Variants in RHAG observed in about 807,000 individuals in gnomAD.
The protein encoded by RHAG is ammonium transporter Rh type A.
A neutral mutation model predicts 42.4 loss-of-function variants in RHAG; 25 were observed. That is an observed-to-expected ratio of 0.59 (90% CI 0.43 to 0.82). The LOEUF (loss-of-function observed/expected upper bound fraction) is 0.82, where lower values mean the gene tolerates loss of function less well. RHAG is among the 40% of genes least tolerant of loss of function. RHAG has a pLI of 0.00. For missense variants in RHAG, 483 were observed against 504.6 expected (o/e 0.96, Z 0.41); for synonymous variants, 182 against 177.7 (o/e 1.02, Z -0.19).
rs941568998 is a variant in RHAG at position 49,613,132 on chromosome 6, C to T, written c.808-598G>A. Among the ~76,000 whole-genome samples the T allele has an allele frequency of 8.0e-5, 12 of 150,430 alleles. No individual in the cohort carries two copies. In the East Asian group the frequency reaches 1.4e-3, roughly 17 times the overall value. On this transcript the variant is annotated intron_variant, in intron 5 of 9. Coordinates refer to ENST00000371175, the MANE Select transcript of RHAG (RefSeq NM_000324.3). ...TCTCCCAGGCTGGAGTGCAGCAGCG[C>T]GATCTTGGCTCACTGCAACCTCCAC... is the stretch of plus-strand genomic sequence containing the variant.
intron 3 of RHAG, among the ~76,000 whole-genome samples, chr6:49,617,490 TC>T (rs34200811): frequency 0.2 from 31,168 of 152,138 alleles, 3,974 homozygotes; most frequent in Non-Finnish European, 0.28. Context: ...TGTCATTGAG[TC>T]CCCAACATCT....
intron 7 of RHAG, among the ~76,000 whole-genome samples, chr6:49,608,364 A>G (rs944788560): frequency 3.9e-5 from 6 of 152,186 alleles, no homozygotes; most frequent in Admixed American, 3.3e-4. Context: ...AGAAATGAGA[A>G]TATTAGTAAA....
chr6:49,612,651 G>A (rs560857970), intron 5 of RHAG, 117 bp from the exon 6 acceptor site: 2 of 1,212,058 alleles, frequency 1.7e-6, no homozygotes. Flanking sequence ...AAGGGCTATT[G>A]GTTCTTTTTT....
At chr6:49,622,414 G>A (rs1397906083) in intron 1 of RHAG, among the ~76,000 whole-genome samples, 2 of 152,198 alleles carry the variant, frequency 1.3e-5, no homozygotes, top group Admixed American at 1.3e-4. Context: ...GTTTCACCAT[G>A]TTGGTCAGGC....
intron 1 of RHAG, among the ~76,000 whole-genome samples, chr6:49,634,801 C>A (rs766863038): frequency 6.6e-6 from 1 of 151,740 alleles, no homozygotes; most frequent in Non-Finnish European, 1.5e-5. Context: ...TATTTTTAAA[C>A]AGATTTATTG....
intron 1 of RHAG, among the ~76,000 whole-genome samples, chr6:49,626,423 A>G (rs1294947751): frequency 3.3e-5 from 5 of 152,032 alleles, no homozygotes; most frequent in East Asian, 1.9e-4. Flanking sequence ...TCCAAAATGA[A>G]CTCCTTTGCT....
intron 1 of RHAG, among the ~76,000 whole-genome samples, chr6:49,630,045 G>T (rs1364805256): frequency 6.6e-6 from 1 of 152,244 alleles, no homozygotes; most frequent in Non-Finnish European, 1.5e-5. Context: ...CAAAGTGGGA[G>T]CCTAGGCAGA....
rs189164159 is a variant in RHAG, at chr6:49,629,774, C to T, written c.157+6882G>A. 4.8e-3 allele frequency among the ~76,000 whole-genome samples: 731 copies of T among 152,324 alleles called. 6 individuals carry two copies. Among genetic ancestry groups the T allele is most frequent in the African/African-American group, 0.017 (691 of 41,590 alleles). ...CTGCTGGGGGACCCAGTACACCCTC[C>T]GCAGCCGCTGGCCCTGGTGCTAAGT... On this transcript the variant is annotated intron_variant, in intron 1 of 9. Coordinates refer to ENST00000371175, the MANE Select transcript of RHAG (RefSeq NM_000324.3).
intron 1 of RHAG, among the ~76,000 whole-genome samples, chr6:49,629,897 C>T (rs1314895117): frequency 4.6e-5 from 7 of 152,210 alleles, no homozygotes; most frequent in Admixed American, 6.5e-5. Flanking sequence ...CCGCAAGAGC[C>T]GCACGCAGCC....
Position 49,618,200 on chromosome 6 carries a change from G to A in RHAG, c.360C>T (p.Phe120=), listed in dbSNP as rs766633354. 3.7e-6 allele frequency: 6 copies of A among 1,614,128 alleles called. No individual in the cohort carries two copies. Among genetic ancestry groups the A allele is most frequent in the Non-Finnish European group, 5.1e-6 (6 of 1,180,024 alleles). Reference sequence around the variant, plus strand: ...AAGATATCAGAACTGTGGCTGCACTGAAGTCTGCATTTATCATGCTGAAGG... The same window carrying A: ...AAGATATCAGAACTGTGGCTGCACTAAAGTCTGCATTTATCATGCTGAAGG... ...IGIKNMINAD[F]SAATVLISFG... is the part of the protein sequence containing the mutation. The change falls in exon 3 of 10, where the codon TTC becomes TTT. Residue 120 remains phenylalanine, a synonymous_variant. Transcript: ENST00000371175.
At chr6:49,619,590 G>A (rs944571639) in intron 1 of RHAG, among the ~76,000 whole-genome samples, 4 of 152,162 alleles carry the variant, frequency 2.6e-5, no homozygotes, top group African/African-American at 9.7e-5. Context: ...GGAAGACTAT[G>A]CACTATTACA....
chr6:49,622,634 C>T (rs562007500), intron 1 of RHAG, among the ~76,000 whole-genome samples: 1 of 152,244 alleles, frequency 6.6e-6, no homozygotes, highest in East Asian at 1.9e-4. Flanking sequence ...GCCTCCCCAG[C>T]CATGTGGAAC....
At chr6:49,629,761 C>T (rs1470406054) in intron 1 of RHAG, among the ~76,000 whole-genome samples, 5 of 152,202 alleles carry the variant, frequency 3.3e-5, no homozygotes, top group Non-Finnish European at 5.9e-5. Flanking sequence ...GCTGGGGGAC[C>T]CAGTACACCC....
rs1183221106 is a variant in RHAG, at chr6:49,606,858, A to G, written c.1202T>C (p.Val401Ala). Residue 401 changes from valine (V) to alanine (A), a missense_variant, in exon 9 of 10, where the codon GTT becomes GCT. Physicochemically the swap from Val to Ala is moderately conservative, Grantham distance 64. Transcript: ENST00000371175. Reference sequence around the variant, plus strand: ...AATACTGTACAGTACCTTCCAATAAACAGAATCATCATAGCAGTTCTGGTC... The same window carrying G: ...AATACTGTACAGTACCTTCCAATAAGCAGAATCATCATAGCAGTTCTGGTC... Reference protein sequence around the residue: ...PSDQNCYDDSVYWKVPKTR With the variant: ...PSDQNCYDDSAYWKVPKTR The G allele has an allele frequency of 6.2e-7, 1 of 1,605,152 alleles. No homozygotes were observed. The highest frequency in any genetic ancestry group is 1.3e-5 in the African/African-American group (1 of 74,724).
rs553006771 is a variant in RHAG, at chr6:49,619,432, C to G, written c.158-70G>C. On this transcript the variant is annotated intron_variant, in intron 1 of 9. Transcript: ENST00000371175. The stretch of plus-strand genomic sequence containing the variant: ...AAGAAAGTACTGCATCATAGTATAC[C>G]CCACTTATTAAGTGCTACCACCTTT... The G allele has an allele frequency of 2.2e-6, 3 of 1,369,622 alleles. No homozygotes were observed. The East Asian group carries it at 7.3e-5, about 33-fold the overall frequency. The allele number at this position is 1,369,622 out of a possible 1,614,324, so 84.8% of individuals were successfully genotyped here.
chr6:49,618,611 A>G (rs1311894903), intron 2 of RHAG, among the ~76,000 whole-genome samples: 1 of 152,186 alleles, frequency 6.6e-6, no homozygotes, highest in African/African-American at 2.4e-5. Flanking sequence ...CATATCCTCA[A>G]AGTCAAACCA....
At chr6:49,619,084 TCCCCCACC>T in intron 2 of RHAG, 87 bp downstream of exon 2, 5 of 1,389,932 alleles carry the variant, frequency 3.6e-6, no homozygotes, top group Non-Finnish European at 5.1e-6. Context: ...ACCTCCCCAG[TCCCCCACC>T]TCTTAATATC....
chr6:49,621,698 C>T (rs1033805263), intron 1 of RHAG, among the ~76,000 whole-genome samples: 5 of 152,106 alleles, frequency 3.3e-5, no homozygotes, highest in African/African-American at 1.2e-4. Context: ...AAAATTTGAT[C>T]TAGATCATAG....
At chr6:49,611,247 A>G in intron 6 of RHAG, 102 bp from the exon 7 acceptor site, 2 of 882,546 alleles carry the variant, frequency 2.3e-6, no homozygotes, top group Non-Finnish European at 3.6e-6. Flanking sequence ...ATGGAGAAAA[A>G]GTATTTTATA....
Sources: gnomAD v4.1 joint callset for allele counts (sites outside exome capture counted in the v4.1 genomes callset) on GRCh38, gnomAD v4.1.1 for gene constraint, MANE v1.5 for transcripts, NCBI Gene and HGNC (gene_info 2026-07-23, HGNC 2026-07-21) for gene names.